LSM4: variants seen among roughly 807,000 people sequenced by gnomAD.
LSM4 encodes the protein LSM4 homolog, U6 small nuclear RNA and mRNA degradation associated.
Under a neutral mutation model 22.3 loss-of-function variants are expected in LSM4, and 15 were observed. The ratio of observed to expected loss-of-function variants is 0.67; its 90% confidence interval spans 0.45 to 1.03. The LOEUF (loss-of-function observed/expected upper bound fraction) is 1.03. Among genes scored for constraint, LSM4 ranks in the 50% least tolerant of loss-of-function variants. The pLI is 0.00. For synonymous variants in LSM4, 90 were observed against 79.8 expected (o/e 1.13, Z -0.68); for missense variants, 127 against 198.0 (o/e 0.64, Z 2.15).
chr19:18,316,337 A>ATTTTT (rs35435536), intron 1 of LSM4: 6 of 123,252 alleles, frequency 4.9e-5, no homozygotes, highest in East Asian at 2.1e-4. Flanking sequence ...ACTCTGGTCA[A>ATTTTT]TTTTTTTTTT....
Position 18,309,808 on chromosome 19 carries a change from G to C in LSM4, c.198C>G (p.Ile66Met), listed in dbSNP as rs1274274818. 2 of 1,613,958 alleles carry C rather than the reference G, an allele frequency of 1.2e-6. No homozygotes were observed. The highest frequency in any genetic ancestry group is 1.7e-5 in the Admixed American group (1 of 59,982). The stretch of plus-strand genomic sequence containing the variant: ...TCTCGTCGGGGATGCGCAGGTACTT[G>C]ATGGTGCTGCCGCGGATGTAGCACT... ...MPECYIRGSTIKYLRIPDEII... is the reference protein window; with the variant it reads ...MPECYIRGSTMKYLRIPDEII... Residue 66 changes from isoleucine (I) to methionine (M), a missense_variant, in exon 4 of 5, where the codon ATC (isoleucine) becomes ATG (methionine). Transcript: ENST00000593829.
chr19:18,322,999 G>C lies in LSM4; in HGVS notation c.3+19C>G. 1 of 1,591,316 alleles carries C rather than the reference G, an allele frequency of 6.3e-7. No homozygotes were observed. Among genetic ancestry groups the C allele is most frequent in the Non-Finnish European group, 8.5e-7 (1 of 1,172,380 alleles). ...TGTTCCCGCCTCCCGGTGAGACCCCGCAGTTGCCCTGCCCTCACCATGGTG... is the reference window on the plus strand; with the variant it reads ...TGTTCCCGCCTCCCGGTGAGACCCCCCAGTTGCCCTGCCCTCACCATGGTG... On this transcript the variant is annotated intron_variant, in intron 1 of 4. Transcript: ENST00000593829.
chr19:18,320,644 C>T (rs1484913572), intron 1 of LSM4, among the ~76,000 whole-genome samples: 2 of 151,612 alleles, frequency 1.3e-5, no homozygotes, highest in Non-Finnish European at 2.9e-5. Flanking sequence ...ACTGAAAATA[C>T]AAAAATTATC....
chr19:18,314,068 C>T (rs1192537163), intron 2 of LSM4, among the ~76,000 whole-genome samples: 2 of 152,066 alleles, frequency 1.3e-5, no homozygotes, highest in Non-Finnish European at 2.9e-5. Flanking sequence ...CCCGCCTTGG[C>T]CTCCCACCAG....
Position 18,315,939 on chromosome 19 carries a change from C to T in LSM4, c.45+85G>A, listed in dbSNP as rs1037169479. On this transcript the variant is annotated intron_variant, in intron 2 of 4. Transcript: ENST00000593829. ...ACTGCCATGCTGGTGGACAGGCAGG[C>T]CAGGAAGCCGTCTGCTCAGCCACCG... is the stretch of plus-strand genomic sequence containing the variant. The T allele has an allele frequency of 1.2e-4, 155 of 1,292,686 alleles. 1 individual carries two copies. The Admixed American group carries it at 2.7e-3, about 23-fold the overall frequency. The allele number at this position is 1,292,686 out of a possible 1,614,324, so 80.1% of individuals were successfully genotyped here. A position where few individuals can be genotyped will look rare whatever the true frequency, so the allele number is the denominator to read the frequency against.
At chr19:18,307,633 T>C (rs1014129900) in intron 4 of LSM4, 78 bp from the exon 5 acceptor site, 3 of 1,073,886 alleles carry the variant, frequency 2.8e-6, no homozygotes, top group Non-Finnish European at 3.9e-6. Flanking sequence ...CCTGAAACTC[T>C]AGGCCAGGTC....
Position 18,323,063 on chromosome 19 carries a change from C to G in LSM4, c.-43G>C. ...GGCTCGCCGGCCACTTCCGCCGCCG[C>G]CGCTGCACACGCTCCCGGCGGTCGT... On this transcript the variant is annotated 5_prime_UTR_variant, in exon 1 of 5. Transcript: ENST00000593829. 1 of 1,504,080 alleles carries G rather than the reference C, an allele frequency of 6.6e-7. No individual in the cohort carries two copies. Among genetic ancestry groups the G allele is most frequent in the Non-Finnish European group, 8.8e-7 (1 of 1,134,120 alleles). The allele number at this position is 1,504,080 out of a possible 1,614,324, so 93.2% of individuals were successfully genotyped here.
chr19:18,315,912 A>G (rs2148143133), intron 2 of LSM4, 112 bp downstream of exon 2: 3 of 934,990 alleles, frequency 3.2e-6, no homozygotes, highest in Non-Finnish European at 5.1e-6. Flanking sequence ...AGAAGAGAGC[A>G]AACTGCCATG....
chr19:18,316,135 A>C, intron 1 of LSM4, 70 bp from the exon 2 acceptor site: 2 of 1,466,832 alleles, frequency 1.4e-6, no homozygotes, highest in African/African-American at 1.4e-5. Flanking sequence ...CTTGAGTCCC[A>C]CCCATGACTC....
intron 1 of LSM4, among the ~76,000 whole-genome samples, chr19:18,320,453 T>TGAGCTGA (rs1970413700): frequency 6.6e-6 from 1 of 151,048 alleles, no homozygotes; most frequent in Non-Finnish European, 1.5e-5. Context: ...GAGGCTGTAG[T>TGAGCTGA]GATTGTGCCA....
intron 3 of LSM4, 103 bp from the exon 4 acceptor site, chr19:18,309,964 C>A: frequency 9.1e-7 from 1 of 1,100,630 alleles, no homozygotes; most frequent in South Asian, 1.4e-5. Context: ...GCACCCCGTA[C>A]CACCCCTGCA....
chr19:18,315,041 C>T (rs975940477), intron 2 of LSM4, among the ~76,000 whole-genome samples: 25 of 152,118 alleles, frequency 1.6e-4, no homozygotes, highest in Admixed American at 1.2e-3. Context: ...CCCGCCATCA[C>T]GCCCGGCTAA....
rs151116823 is a variant in LSM4 at position 18,308,293 on chromosome 19, G to A, written c.329-738C>T. 3.2e-4 allele frequency among the ~76,000 whole-genome samples: 49 copies of A among 152,286 alleles called. No homozygotes were observed. In the East Asian group the frequency reaches 7.9e-3, roughly 25 times the overall value. On this transcript the variant is annotated intron_variant, in intron 4 of 4. Coordinates refer to ENST00000593829, the MANE Select transcript of LSM4 (RefSeq NM_012321.5). Reference sequence around the variant, plus strand: ...CTCTGTGTGCCTGGCGCCCCTTCACGCCACCCTCACCACAGGCCAGGCCTG... The same window carrying A: ...CTCTGTGTGCCTGGCGCCCCTTCACACCACCCTCACCACAGGCCAGGCCTG...
At chr19:18,309,649 G>T (rs771112555) in intron 4 of LSM4, 29 bp downstream of exon 4, 2 of 1,557,600 alleles carry the variant, frequency 1.3e-6, no homozygotes, top group Non-Finnish European at 1.7e-6. Context: ...TCCCGCCCCA[G>T]GTACGTCCAC....
At chr19:18,322,449 A>C (rs543128519) in intron 1 of LSM4, among the ~76,000 whole-genome samples, 1 of 152,128 alleles carries the variant, frequency 6.6e-6, no homozygotes, top group East Asian at 1.9e-4. Flanking sequence ...CCTAGCTCAA[A>C]ACGCCCCCTT....
chr19:18,315,618 T>A (rs1970345498), intron 2 of LSM4, among the ~76,000 whole-genome samples: 1 of 152,122 alleles, frequency 6.6e-6, no homozygotes, highest in South Asian at 2.1e-4. Context: ...CATAGCTCAC[T>A]GCAGCCTCAA....
At chr19:18,314,144 C>G (rs1422441289) in intron 2 of LSM4, among the ~76,000 whole-genome samples, 1 of 152,112 alleles carries the variant, frequency 6.6e-6, no homozygotes, top group East Asian at 1.9e-4. Flanking sequence ...GGCAACCATA[C>G]AAAAATGTGT....
intron 1 of LSM4, among the ~76,000 whole-genome samples, chr19:18,317,346 T>C (rs566197373): frequency 6.1e-5 from 9 of 148,280 alleles, no homozygotes; most frequent in African/African-American, 2.2e-4. Flanking sequence ...TTTTTTTTTT[T>C]TTTTGAGACG....
In LSM4 at chr19:18,312,649, G is replaced by T. The variant is rs1420880334; in HGVS notation, c.99C>A (p.Asp33Glu). Residue 33 changes from aspartate to glutamate, a missense_variant, in exon 3 of 5, where the codon GAC (aspartate) becomes GAA (glutamate). Physicochemically the swap from Asp to Glu is conservative, Grantham distance 45. Coordinates refer to ENST00000593829, the MANE Select transcript of LSM4 (RefSeq NM_012321.5). ...CTCGCAGGTTAATGTTCATCCAGTT[G>T]TCGCAGCTCACCAGGTGTCCATTGT... ...ETYNGHLVSC[D>E]NWMNINLREV... 1 of 1,613,532 alleles carries T rather than the reference G, an allele frequency of 6.2e-7. No homozygotes were observed. Among genetic ancestry groups the T allele is most frequent in the African/African-American group, 1.3e-5 (1 of 74,912 alleles).
Sources: gnomAD v4.1 joint callset for allele counts (sites outside exome capture counted in the v4.1 genomes callset) on GRCh38, gnomAD v4.1.1 for gene constraint, MANE v1.5 for transcripts, NCBI Gene and HGNC (gene_info 2026-07-23, HGNC 2026-07-21) for gene names.